DNAH7: variants seen among roughly 807,000 people sequenced by gnomAD.
DNAH7 encodes dynein axonemal heavy chain 7, also known as axonemal beta dynein heavy chain 7.
DNAH7 carries 397 observed loss-of-function variants against 444.6 expected under a neutral mutation model. That is an observed-to-expected ratio of 0.89 (90% CI 0.82 to 0.97). The LOEUF is 0.97. DNAH7 is among the 50% of genes least tolerant of loss of function. The pLI, the probability that DNAH7 is intolerant of heterozygous loss-of-function variation, is 0.00. For synonymous variants in DNAH7, 1,636 were observed against 1,624.4 expected, an observed-to-expected ratio of 1.01 and a Z score of -0.17; for missense variants, 4,902 against 4,800.8, an observed-to-expected ratio of 1.02 and a Z score of -0.62.
intron 61 of DNAH7, among the ~76,000 whole-genome samples, chr2:195,770,369 G>A (rs1694777393): frequency 6.6e-6 from 1 of 152,074 alleles, no homozygotes; most frequent in Non-Finnish European, 1.5e-5. Flanking sequence ...CAAAATTTAA[G>A]ACCCTAACTA....
intron 46 of DNAH7, among the ~76,000 whole-genome samples, chr2:195,850,947 C>T (rs1441053315): frequency 6.6e-6 from 1 of 152,116 alleles, no homozygotes; most frequent in African/African-American, 2.4e-5. Context: ...AGAGAGACTC[C>T]CATGCTCCCT....
intron 2 of DNAH7, among the ~76,000 whole-genome samples, chr2:196,051,623 C>T (rs1269157054): frequency 2.0e-5 from 3 of 151,898 alleles, no homozygotes; most frequent in Admixed American, 6.6e-5. Flanking sequence ...AAAAATTAGC[C>T]GGGCGTGGTG....
chr2:195,923,277 C>G (rs1243960585), intron 23 of DNAH7, among the ~76,000 whole-genome samples: 1 of 152,130 alleles, frequency 6.6e-6, no homozygotes, highest in African/African-American at 2.4e-5. Context: ...CAACATTTTG[C>G]AGATTCAGCA....
At chr2:195,916,648 A>G (rs569930268) in intron 24 of DNAH7, among the ~76,000 whole-genome samples, 1 of 152,194 alleles carries the variant, frequency 6.6e-6, no homozygotes, top group East Asian at 1.9e-4. Flanking sequence ...ACTTGGGGCC[A>G]GGAGTTTGAG....
In DNAH7 at chr2:195,901,147, GT is replaced by G. The variant is rs1285634849; in HGVS notation, c.4336-654del. ...TTTGCCAAGAGAGTAGATCTTAAGT[GT>G]TACCAACAGAAAGAAAACAGAAAAA... On this transcript the variant is annotated intron_variant, in intron 27 of 64. Coordinates refer to ENST00000312428, the MANE Select transcript of DNAH7 (RefSeq NM_018897.3). 2.6e-5 allele frequency: 4 copies of G among 152,036 alleles called. No individual in the cohort carries two copies. The East Asian group carries it at 7.7e-4, about 29-fold the overall frequency. The allele number at this position is 152,036 out of a possible 1,614,324, so 9.4% of individuals were successfully genotyped here.
chr2:195,825,066 C>G (rs1284455982), intron 48 of DNAH7: 1 of 152,152 alleles, frequency 6.6e-6, no homozygotes, highest in Non-Finnish European at 1.5e-5. Context: ...TGCTTGAGTC[C>G]AGGAGTTCAA....
At chr2:195,795,544 A>G (rs1192416952) in intron 56 of DNAH7, among the ~76,000 whole-genome samples, 2 of 152,246 alleles carry the variant, frequency 1.3e-5, no homozygotes, top group Non-Finnish European at 2.9e-5. Flanking sequence ...TAAAAGTGAA[A>G]GAAGTTCAAA....
intron 12 of DNAH7, 114 bp downstream of exon 12, chr2:196,000,590 G>T: frequency 1.1e-6 from 1 of 918,802 alleles, no homozygotes; most frequent in Non-Finnish European, 1.5e-6. Context: ...TTTCTTATAA[G>T]CCAACATTAT....
intron 9 of DNAH7, among the ~76,000 whole-genome samples, chr2:196,016,061 C>A (rs891108252): frequency 2.0e-5 from 3 of 152,152 alleles, no homozygotes; most frequent in Admixed American, 6.6e-5. Context: ...TGGACACATA[C>A]ACTTTCTATT....
intron 10 of DNAH7, among the ~76,000 whole-genome samples, chr2:196,002,287 T>A (rs1334022103): frequency 1.3e-5 from 2 of 151,700 alleles, no homozygotes; most frequent in African/African-American, 4.8e-5. Context: ...CTTGGTTGTT[T>A]CATGCTATTC....
At chr2:195,745,324 G>A (rs1305643177) in intron 63 of DNAH7, among the ~76,000 whole-genome samples, 1 of 152,136 alleles carries the variant, frequency 6.6e-6, no homozygotes, top group African/African-American at 2.4e-5. Context: ...AAAAAGAAAT[G>A]AACAAAGCCT....
At chr2:196,054,455 G>A (rs1375128702) in intron 2 of DNAH7, among the ~76,000 whole-genome samples, 1 of 152,034 alleles carries the variant, frequency 6.6e-6, no homozygotes, top group Non-Finnish European at 1.5e-5. Flanking sequence ...ACAGGAGGTG[G>A]AGGTTGCCAT....
In DNAH7 at chr2:195,915,402, A is replaced by G. The variant is rs147463622; in HGVS notation, c.3936-5207T>C. Among the ~76,000 whole-genome samples the G allele has an allele frequency of 2.1e-3, 322 of 152,346 alleles. 1 individual carries two copies. The highest frequency in any genetic ancestry group is 7.4e-3 in the African/African-American group (306 of 41,574). On this transcript the variant is annotated intron_variant, in intron 24 of 64. Transcript: ENST00000312428. ...TGAGTGAAGAAGTAGAATGGTATGC[A>G]TAAGAAAGAGTTTGGTGTTACTGGA...
chr2:195,950,850 T>C (rs542620690), intron 19 of DNAH7, among the ~76,000 whole-genome samples: 128 of 6,818 alleles, frequency 0.019, no homozygotes, highest in South Asian at 0.1. Context: ...GGACTCTGTC[T>C]CAAAAAAAAA....
chr2:195,989,074 AT>A (rs1693120591), intron 12 of DNAH7, among the ~76,000 whole-genome samples: 1 of 152,088 alleles, frequency 6.6e-6, no homozygotes, highest in African/African-American at 2.4e-5. Context: ...TGTTTTCTTT[AT>A]CCATTCAACC....
rs536627165 is a variant in DNAH7, at chr2:196,020,812, C to T, written c.744-1517G>A. Among the ~76,000 whole-genome samples the T allele has an allele frequency of 7.9e-5, 12 of 152,102 alleles. No individual in the cohort carries two copies. The South Asian group carries it at 1.2e-3, about 16-fold the overall frequency. ...TTTCAGTAGAGACAGGGTTTCACCA[C>T]GTTGGCCAGAACTGGCCTCAAACAC... On this transcript the variant is annotated intron_variant, in intron 8 of 64. Transcript: ENST00000312428.
intron 12 of DNAH7, 128 bp from the exon 13 acceptor site, chr2:195,988,357 A>C: frequency 1.3e-6 from 1 of 794,222 alleles, no homozygotes; most frequent in Non-Finnish European, 1.8e-6. Context: ...TAACTGTTTA[A>C]CCTCTAATCT....
intron 19 of DNAH7, among the ~76,000 whole-genome samples, chr2:195,953,805 C>T (rs1241661796): frequency 1.3e-5 from 2 of 152,146 alleles, no homozygotes; most frequent in Admixed American, 6.5e-5. Flanking sequence ...TTAAAAGAAC[C>T]TTTATTAGGA....
intron 5 of DNAH7, among the ~76,000 whole-genome samples, chr2:196,044,187 G>A (rs1012395735): frequency 8.1e-6 from 1 of 123,602 alleles, no homozygotes; most frequent in African/African-American, 3.3e-5. Flanking sequence ...ATAAAAAAAT[G>A]TTTATATATA....
Sources: allele counts gnomAD v4.1 joint callset (sites outside exome capture counted in the v4.1 genomes callset), GRCh38; gene constraint gnomAD v4.1.1; transcripts MANE v1.5; gene names NCBI Gene and HGNC (gene_info 2026-07-23, HGNC 2026-07-21).